Variants in GRID1 observed in about 807,000 individuals in gnomAD.
GRID1 encodes glutamate receptor ionotropic, delta-1.
A neutral mutation model predicts 98.0 loss-of-function variants in GRID1; 28 were observed. That is an observed-to-expected ratio of 0.29 (90% CI 0.21 to 0.39). GRID1 has a LOEUF of 0.39. Among genes scored for constraint, GRID1 ranks in the 10% least tolerant of loss-of-function variants. GRID1 has a pLI of 1.00. For missense variants in GRID1, 1,111 were observed against 1,340.5 expected (o/e 0.83, Z 2.67); for synonymous variants, 553 against 538.5 (o/e 1.03, Z -0.37).
chr10:86,107,898 G>T (rs939355727), intron 4 of GRID1, among the ~76,000 whole-genome samples: 5 of 152,132 alleles, frequency 3.3e-5, no homozygotes, highest in African/African-American at 1.2e-4. Flanking sequence ...TCCCCCATCT[G>T]CTGAGAGCCA....
intron 8 of GRID1, among the ~76,000 whole-genome samples, chr10:85,756,588 A>G (rs1880382): frequency 0.56 from 85,643 of 152,164 alleles, 25,324 homozygotes; most frequent in East Asian, 0.81. Context: ...TGTCCTAGGT[A>G]GGATGGAGCC....
chr10:85,630,989 C>A (rs1296864083), intron 13 of GRID1, among the ~76,000 whole-genome samples: 1 of 152,104 alleles, frequency 6.6e-6, no homozygotes, highest in African/African-American at 2.4e-5. Context: ...AGTTGAGAGA[C>A]CAAGGCTACT....
At position 85,649,780 on chromosome 10, in the gene GRID1, C is replaced by T. The variant is rs563468482; in HGVS notation, c.1998-2383G>A. ...CGTCTCTGGTTAACAAGCAGGCAGC[C>T]CAAATGTTTATGGCTTCATGTTCAT... On this transcript the variant is annotated intron_variant, in intron 12 of 15. Coordinates refer to ENST00000327946, the MANE Select transcript of GRID1 (RefSeq NM_017551.3). 3.9e-5 allele frequency among the ~76,000 whole-genome samples: 6 copies of T among 152,210 alleles called. No homozygotes were observed. In the South Asian group the frequency reaches 1.2e-3, roughly 32 times the overall value.
chr10:85,827,952 G>A (rs1261444201), intron 8 of GRID1, among the ~76,000 whole-genome samples: 1 of 152,026 alleles, frequency 6.6e-6, no homozygotes, highest in Non-Finnish European at 1.5e-5. Flanking sequence ...GATATCTACA[G>A]AAATCTCCAT....
chr10:85,812,645 G>A (rs1842681883), intron 8 of GRID1, among the ~76,000 whole-genome samples: 1 of 151,936 alleles, frequency 6.6e-6, no homozygotes. Context: ...AAAAAATGCA[G>A]AAAATAATTA....
At chr10:86,273,046 A>C in intron 2 of GRID1, among the ~76,000 whole-genome samples, 1 of 152,026 alleles carries the variant, frequency 6.6e-6, no homozygotes, top group East Asian at 1.9e-4. Flanking sequence ...ATATCTCCTA[A>C]TGCTATCCCT....
chr10:86,242,147 G>A (rs1846646833), intron 2 of GRID1, among the ~76,000 whole-genome samples: 1 of 152,246 alleles, frequency 6.6e-6, no homozygotes, highest in South Asian at 2.1e-4. Flanking sequence ...AGCCCACCTG[G>A]CAGGGAGTAT....
At chr10:85,732,312 G>A (rs1003157395) in intron 8 of GRID1, among the ~76,000 whole-genome samples, 2 of 152,166 alleles carry the variant, frequency 1.3e-5, no homozygotes, top group African/African-American at 2.4e-5. Flanking sequence ...TAATGATGAT[G>A]TGACCATTCC....
At chr10:85,783,438 G>A (rs1328148047) in intron 8 of GRID1, among the ~76,000 whole-genome samples, 1 of 152,140 alleles carries the variant, frequency 6.6e-6, no homozygotes, top group Non-Finnish European at 1.5e-5. Flanking sequence ...AATCCTCACC[G>A]AATGGAGTTC....
At chr10:86,290,583 G>A (rs930999812) in intron 2 of GRID1, among the ~76,000 whole-genome samples, 1 of 152,088 alleles carries the variant, frequency 6.6e-6, no homozygotes, top group Non-Finnish European at 1.5e-5. Flanking sequence ...AACCCAGGAG[G>A]CAGAGGTTTC....
At chr10:86,119,311 G>A (rs1844632069) in intron 4 of GRID1, among the ~76,000 whole-genome samples, 1 of 152,020 alleles carries the variant, frequency 6.6e-6, no homozygotes, top group Non-Finnish European at 1.5e-5. Flanking sequence ...CTCCAGCCTG[G>A]GTGACAGAGT....
chr10:85,916,237 G>T lies in GRID1; in HGVS notation c.729C>A (p.Ala243=). The change falls in exon 5 of 16, where the codon GCC becomes GCA. Residue 243 remains alanine (A), a splice_region_variant and synonymous_variant. Coordinates refer to ENST00000327946, the MANE Select transcript of GRID1 (RefSeq NM_017551.3). This position sits in a 1 kb window ranked among gnomAD's most constrained non-coding sequence, Gnocchi z 4.0. ...PQGAHSFINE[A]VETNLASKDS... ...CCTTGGAAGCCAGGTTGGTCTCCAC[G>T]GCCTGCAGAGAGAAAAAGAACGAAC... 6.2e-7 allele frequency: 1 copy of T among 1,611,458 alleles called. No individual in the cohort carries two copies. The highest frequency in any genetic ancestry group is 8.5e-7 in the Non-Finnish European group (1 of 1,177,686).
intron 2 of GRID1, among the ~76,000 whole-genome samples, chr10:86,299,804 G>A (rs1847654776): frequency 1.3e-5 from 2 of 152,046 alleles, no homozygotes; most frequent in African/African-American, 2.4e-5. Flanking sequence ...CTGACACTTG[G>A]GCCACCAAAC....
rs866744311 is a variant in GRID1 at position 86,353,975 on chromosome 10, C to A, written c.235+9966G>T. On this transcript the variant is annotated intron_variant, in intron 2 of 15. Transcript: ENST00000327946. ...TCGGCCCAGAGCTCAGGTCAGGTCTCAGAGCTTTGAGCCCAGAGCCCAGAC... is the reference window on the plus strand; with the variant it reads ...TCGGCCCAGAGCTCAGGTCAGGTCTAAGAGCTTTGAGCCCAGAGCCCAGAC... Among the ~76,000 whole-genome samples, 6 of 152,136 alleles carry A rather than the reference C, an allele frequency of 3.9e-5. 1 individual carries two copies. Among genetic ancestry groups the A allele is most frequent in the Middle Eastern group, 6.9e-3 (2 of 290 alleles).
chr10:86,326,347 T>A (rs1470425248), intron 2 of GRID1, among the ~76,000 whole-genome samples: 3 of 152,342 alleles, frequency 2.0e-5, no homozygotes, highest in South Asian at 4.1e-4. Context: ...AGACATATAT[T>A]TTCATGTATA....
chr10:85,694,944 A>AC, intron 12 of GRID1, among the ~76,000 whole-genome samples: 1 of 152,002 alleles, frequency 6.6e-6, no homozygotes, highest in Non-Finnish European at 1.5e-5. Context: ...CTGCACTTGT[A>AC]CCCCTTAAAT....
chr10:86,271,336 G>A (rs924837065), intron 2 of GRID1, among the ~76,000 whole-genome samples: 72 of 152,232 alleles, frequency 4.7e-4, no homozygotes, highest in African/African-American at 1.2e-3. Context: ...CCAGAATAAA[G>A]CCCAAGGATA....
intron 4 of GRID1, among the ~76,000 whole-genome samples, chr10:86,080,086 C>A (rs1843943924): frequency 2.6e-5 from 4 of 152,106 alleles, no homozygotes. Context: ...GTAATCCCAG[C>A]ACTTTGGGAG....
At chr10:86,285,460 C>T (rs547198761) in intron 2 of GRID1, among the ~76,000 whole-genome samples, 133 of 152,354 alleles carry the variant, frequency 8.7e-4, no homozygotes, top group African/African-American at 3.0e-3. Context: ...AAACAAAAGG[C>T]GCAGCTTCTC....
Sources: allele counts gnomAD v4.1 joint callset (sites outside exome capture counted in the v4.1 genomes callset), GRCh38; gene constraint gnomAD v4.1.1; non-coding constraint Gnocchi (gnomAD v3.1); transcripts MANE v1.5; gene names NCBI Gene and HGNC (gene_info 2026-07-23, HGNC 2026-07-21).